The following CPVL variants were observed in gnomAD, a reference collection of about 807,000 sequenced individuals.
The protein encoded by CPVL is probable serine carboxypeptidase CPVL.
Under a neutral mutation model 63.7 loss-of-function variants are expected in CPVL, and 51 were observed. The ratio of observed to expected loss-of-function variants is 0.80; its 90% CI spans 0.64 to 1.01. The LOEUF is 1.01. CPVL is among the 50% of genes least tolerant of loss of function. The probability of loss-of-function intolerance (pLI) is 0.00; values close to 1 mark genes in which losing one functional copy is unlikely to be tolerated. For missense variants in CPVL, 530 were observed against 573.1 expected (o/e 0.92, Z 0.77); for synonymous variants, 195 against 206.0 (o/e 0.95, Z 0.46).
At chr7:29,029,738 C>A (rs561816493) in intron 12 of CPVL, among the ~76,000 whole-genome samples, 57 of 152,002 alleles carry the variant, frequency 3.7e-4, no homozygotes, top group Non-Finnish European at 7.5e-4. Context: ...TTCAATAGCA[C>A]AGTAGGGTGA....
At chr7:29,007,314 G>A (rs867761469) in intron 12 of CPVL, among the ~76,000 whole-genome samples, 1 of 152,046 alleles carries the variant, frequency 6.6e-6, no homozygotes, top group Non-Finnish European at 1.5e-5. Context: ...TATGCTAATC[G>A]GTCCTCTCTA....
At chr7:29,176,173 A>G (rs943858682) in intron 5 of CPVL, among the ~76,000 whole-genome samples, 3 of 151,326 alleles carry the variant, frequency 2.0e-5, no homozygotes, top group African/African-American at 4.9e-5. Flanking sequence ...GCGACAGAGC[A>G]AGACTCCGTC....
intron 1 of CPVL, among the ~76,000 whole-genome samples, chr7:29,121,329 C>T (rs1789350671): frequency 6.6e-6 from 1 of 151,584 alleles, no homozygotes; most frequent in Non-Finnish European, 1.5e-5. Context: ...TAAACAGAGT[C>T]TTGCTCTGTT....
At chr7:29,179,717 C>G (rs1797825714) in intron 5 of CPVL, among the ~76,000 whole-genome samples, 1 of 152,012 alleles carries the variant, frequency 6.6e-6, no homozygotes, top group South Asian at 2.1e-4. Flanking sequence ...TTACAAAATA[C>G]TTAATAGCTA....
At chr7:29,146,060 AGT>A (rs1792565838) in intron 1 of CPVL, 3 of 152,776 alleles carry the variant, frequency 2.0e-5, no homozygotes, top group Non-Finnish European at 4.4e-5. Context: ...AGTAAGGGAA[AGT>A]GTCCTGCACC....
chr7:29,184,991 C>G (rs984154624), intron 3 of CPVL, among the ~76,000 whole-genome samples: 3 of 152,150 alleles, frequency 2.0e-5, no homozygotes, highest in African/African-American at 7.2e-5. Context: ...GTAGATGTCT[C>G]TAAGTGCATT....
intron 5 of CPVL, among the ~76,000 whole-genome samples, chr7:29,153,661 C>A (rs1793929149): frequency 6.6e-6 from 1 of 152,134 alleles, no homozygotes; most frequent in Non-Finnish European, 1.5e-5. Flanking sequence ...CCTCCGCCTC[C>A]CAGGTTCAAG....
At chr7:28,996,553 A>C (rs538882904) in intron 12 of CPVL, among the ~76,000 whole-genome samples, 89 of 151,684 alleles carry the variant, frequency 5.9e-4, no homozygotes, top group East Asian at 1.7e-3. Flanking sequence ...AAAAAACAAA[A>C]AAAAAAAAAA....
intron 3 of CPVL, among the ~76,000 whole-genome samples, 198 bp downstream of exon 3, chr7:29,112,506 C>T (rs907254872): frequency 2.0e-5 from 3 of 152,200 alleles, no homozygotes; most frequent in South Asian, 2.1e-4. Context: ...TTCCCACTCC[C>T]GCAGAAAACA....
chr7:29,119,055 C>G (rs1055020322), intron 2 of CPVL, among the ~76,000 whole-genome samples: 5 of 152,234 alleles, frequency 3.3e-5, no homozygotes, highest in African/African-American at 1.2e-4. Context: ...CCAGCCACTA[C>G]CCCATTTTTC....
chr7:29,058,579 T>A (rs1790975254), intron 11 of CPVL, among the ~76,000 whole-genome samples: 1 of 152,164 alleles, frequency 6.6e-6, no homozygotes, highest in South Asian at 2.1e-4. Flanking sequence ...AAAGCAGGTC[T>A]ACTAGCAACA....
chr7:29,026,424 G>T (rs974944850), intron 12 of CPVL, among the ~76,000 whole-genome samples: 1 of 151,646 alleles, frequency 6.6e-6, no homozygotes, highest in Non-Finnish European at 1.5e-5. Flanking sequence ...AGAAAAGCAA[G>T]AACAAACCAA....
rs191145373 is a variant in CPVL, at chr7:29,070,167, C to A, written c.864+1606G>T. ...ACATTCCAAGCCTTCAAACGTTTTA[C>A]CTGCTTGGGGTTCCGGTTTCTGACG... On this transcript the variant is annotated intron_variant, in intron 9 of 12. Transcript: ENST00000265394. Among the ~76,000 whole-genome samples the A allele has an allele frequency of 3.3e-5, 5 of 152,272 alleles. No individual in the cohort carries two copies. The East Asian group carries it at 9.7e-4, about 29-fold the overall frequency.
chr7:29,069,484 A>G (rs1050859751), intron 9 of CPVL, among the ~76,000 whole-genome samples: 3 of 151,914 alleles, frequency 2.0e-5, no homozygotes, highest in African/African-American at 7.2e-5. Flanking sequence ...GTTGTCAAAA[A>G]ATAACATGGG....
At chr7:29,056,591 C>A (rs1353917302) in intron 11 of CPVL, among the ~76,000 whole-genome samples, 2 of 152,082 alleles carry the variant, frequency 1.3e-5, no homozygotes, top group Non-Finnish European at 2.9e-5. Context: ...TGAAGAATAT[C>A]TTGGTTGTTT....
chr7:28,995,627 T>C lies in CPVL; in HGVS notation c.*145A>G. The C allele has an allele frequency of 1.6e-6, 1 of 626,428 alleles. No individual in the cohort carries two copies. The allele number at this position is 626,428 out of a possible 1,614,324, so 38.8% of individuals were successfully genotyped here. ...AACATCTCCCCCCAAAAACAAAAGC[T>C]CACTTGTTTCAAGGATAATTTTTAT... On this transcript the variant is annotated 3_prime_UTR_variant, in exon 13 of 13. Coordinates refer to ENST00000265394, the MANE Select transcript of CPVL (RefSeq NM_031311.5).
chr7:29,179,901 G>A (rs1204083587), intron 5 of CPVL, among the ~76,000 whole-genome samples: 1 of 152,074 alleles, frequency 6.6e-6, no homozygotes, highest in Non-Finnish European at 1.5e-5. Context: ...CAAAAAATCT[G>A]GTCACTGTTA....
chr7:29,019,575 A>C, intron 12 of CPVL, among the ~76,000 whole-genome samples: 1 of 152,188 alleles, frequency 6.6e-6, no homozygotes, highest in East Asian at 1.9e-4. Context: ...TCAATTTTTT[A>C]AATTAAGAGC....
upstream of CPVL, among the ~76,000 whole-genome samples, chr7:29,149,156 G>T (rs1312784073): frequency 7.1e-6 from 1 of 140,482 alleles, no homozygotes; most frequent in Non-Finnish European, 1.5e-5. Context: ...GACTGATGTT[G>T]TTCAAAATTA....
Sources: allele counts gnomAD v4.1 joint callset (sites outside exome capture counted in the v4.1 genomes callset), GRCh38; gene constraint gnomAD v4.1.1; transcripts MANE v1.5; gene names NCBI Gene and HGNC (gene_info 2026-07-23, HGNC 2026-07-21).